GDA: variants seen among roughly 807,000 people sequenced by gnomAD.
The protein encoded by GDA is cytoplasmic PSD-95 interactor.
GDA carries 18 observed loss-of-function variants against 59.6 expected under a neutral mutation model. That is an observed-to-expected ratio of 0.30 (90% CI 0.21 to 0.45). The LOEUF (loss-of-function observed/expected upper bound fraction) is 0.45, where lower values mean the gene tolerates loss of function less well. Ranked by LOEUF, GDA falls within the 20% of genes least tolerant of loss-of-function variation. The pLI is 1.00. For missense variants in GDA, 427 were observed against 552.3 expected (o/e 0.77, Z 2.27); for synonymous variants, 201 against 201.1 (o/e 1.00, Z 0.00).
chr9:72,175,719 T>C (rs542686818), intron 1 of GDA, among the ~76,000 whole-genome samples: 266 of 151,600 alleles, frequency 1.8e-3, no homozygotes, highest in Non-Finnish European at 2.4e-3. Flanking sequence ...TCAGTCAGAG[T>C]GGGAAGAATT....
intron 1 of GDA, among the ~76,000 whole-genome samples, chr9:72,179,727 C>T (rs903189554): frequency 1.3e-5 from 2 of 152,144 alleles, no homozygotes; most frequent in Admixed American, 1.3e-4. Context: ...AGTCCAAGAT[C>T]AAGGAATCAG....
At chr9:72,183,287 C>G (rs1485041939) in intron 1 of GDA, among the ~76,000 whole-genome samples, 2 of 152,078 alleles carry the variant, frequency 1.3e-5, no homozygotes, top group Non-Finnish European at 2.9e-5. Context: ...ACCCTGGGGA[C>G]TGTCTCCTCG....
chr9:72,135,563 A>C (rs368927730), intron 1 of GDA, among the ~76,000 whole-genome samples: 44 of 152,202 alleles, frequency 2.9e-4, no homozygotes, highest in African/African-American at 1.0e-3. Flanking sequence ...TATTACGAGG[A>C]AGGTGTGCTG....
Position 72,226,496 on chromosome 9 carries a change from T to A in GDA, c.822+712T>A, listed in dbSNP as rs1409123190. Among the ~76,000 whole-genome samples, 5 of 152,284 alleles carry A rather than the reference T, an allele frequency of 3.3e-5. No individual in the cohort carries two copies. The East Asian group carries it at 5.8e-4, about 18-fold the overall frequency. ...TTTTTAAATACTCTGAGAGTGCTTTTAAAAAATGAGTATGCATTACTCCTA... is the reference window on the plus strand; with the variant it reads ...TTTTTAAATACTCTGAGAGTGCTTTAAAAAAATGAGTATGCATTACTCCTA... On this transcript the variant is annotated intron_variant, in intron 8 of 13. Coordinates refer to ENST00000358399, the MANE Select transcript of GDA (RefSeq NM_004293.5).
chr9:72,226,239 T>G (rs1339741178), intron 8 of GDA, among the ~76,000 whole-genome samples: 2 of 152,166 alleles, frequency 1.3e-5, no homozygotes, highest in African/African-American at 4.8e-5. Flanking sequence ...AGTTTAAAAA[T>G]TGTTATCGGT....
chr9:72,179,848 A>G (rs748520290), intron 1 of GDA, among the ~76,000 whole-genome samples: 2 of 152,074 alleles, frequency 1.3e-5, no homozygotes, highest in African/African-American at 4.8e-5. Flanking sequence ...TTTTCTTTCT[A>G]TATGTGTTCC....
intron 1 of GDA, among the ~76,000 whole-genome samples, chr9:72,157,329 C>T (rs1269522886): frequency 2.0e-5 from 3 of 152,146 alleles, no homozygotes; most frequent in African/African-American, 7.2e-5. Context: ...GCGTGAGCCA[C>T]GGTAGCCAGC....
intron 1 of GDA, among the ~76,000 whole-genome samples, chr9:72,190,079 G>A (rs1195019557): frequency 6.6e-6 from 1 of 152,048 alleles, no homozygotes; most frequent in Non-Finnish European, 1.5e-5. Flanking sequence ...TAGTTATTGT[G>A]AGAGTAGGTT....
chr9:72,160,810 C>T (rs1263108572), intron 1 of GDA, among the ~76,000 whole-genome samples: 6 of 152,214 alleles, frequency 3.9e-5, no homozygotes, highest in East Asian at 3.8e-4. Context: ...CAACCTTCCA[C>T]GTTGTTAAAT....
At chr9:72,245,299 C>T in intron 12 of GDA, 21 bp downstream of exon 12, 1 of 1,578,540 alleles carries the variant, frequency 6.3e-7, no homozygotes, top group Non-Finnish European at 8.7e-7. Flanking sequence ...GAAAGTTAAT[C>T]AAAAGGCATT....
chr9:72,161,109 T>C (rs1016650499), intron 1 of GDA, among the ~76,000 whole-genome samples: 3 of 151,720 alleles, frequency 2.0e-5, no homozygotes, highest in South Asian at 2.1e-4. Context: ...GATTTCACCA[T>C]GTTGGCCAGG....
chr9:72,132,702 A>G (rs367994334), intron 1 of GDA, among the ~76,000 whole-genome samples: 16 of 152,154 alleles, frequency 1.1e-4, no homozygotes, highest in East Asian at 3.9e-4. Context: ...AGACTCCCAG[A>G]CTATTGAGGT....
intron 1 of GDA, among the ~76,000 whole-genome samples, chr9:72,156,806 A>T (rs1337474382): frequency 6.6e-6 from 1 of 152,196 alleles, no homozygotes; most frequent in Non-Finnish European, 1.5e-5. Context: ...ATATTCTGAC[A>T]TACAGGAAGT....
At chr9:72,120,602 T>A (rs534122793) in intron 1 of GDA, among the ~76,000 whole-genome samples, 40 of 152,182 alleles carry the variant, frequency 2.6e-4, no homozygotes, top group Non-Finnish European at 5.1e-4. Flanking sequence ...GGTCAATCCA[T>A]ATCACTGCAG....
At chr9:72,131,468 A>G (rs1417284869) in intron 1 of GDA, among the ~76,000 whole-genome samples, 1 of 152,026 alleles carries the variant, frequency 6.6e-6, no homozygotes, top group East Asian at 1.9e-4. Flanking sequence ...GCCATTTATG[A>G]GCATCCACCC....
chr9:72,178,413 ATT>A (rs145032320), intron 1 of GDA, among the ~76,000 whole-genome samples: 48 of 117,134 alleles, frequency 4.1e-4, no homozygotes, highest in African/African-American at 3.1e-4. Context: ...TGGAATCGAT[ATT>A]TTTTTTTTTT....
chr9:72,172,510 A>T (rs1388379377), intron 1 of GDA, among the ~76,000 whole-genome samples: 1 of 152,152 alleles, frequency 6.6e-6, no homozygotes, highest in African/African-American at 2.4e-5. Flanking sequence ...GGGCCTGCAC[A>T]CTTTGGCTTT....
chr9:72,252,242 T>C (rs535486067), downstream of GDA: 5 of 152,568 alleles, frequency 3.3e-5, no homozygotes, highest in East Asian at 9.6e-4. Flanking sequence ...TTGTGAGTTC[T>C]CTCTGTTTGG....
chr9:72,176,696 A>C (rs569970102), intron 1 of GDA, among the ~76,000 whole-genome samples: 15 of 152,334 alleles, frequency 9.8e-5, no homozygotes, highest in Non-Finnish European at 1.9e-4. Context: ...TGAAAGCTCT[A>C]TTGTGGATAT....
Sources: gnomAD v4.1 joint callset for allele counts (sites outside exome capture counted in the v4.1 genomes callset) on GRCh38, gnomAD v4.1.1 for gene constraint, MANE v1.5 for transcripts, NCBI Gene and HGNC (gene_info 2026-07-23, HGNC 2026-07-21) for gene names.